The following XRN2 variants were observed in gnomAD, a reference collection of about 807,000 sequenced individuals.
XRN2 encodes the protein 5'-3' exoribonuclease 2, also known as DHM1-like protein.
XRN2 carries 44 observed loss-of-function variants against 138.5 expected under a neutral mutation model. The ratio of observed to expected loss-of-function variants is 0.32; its 90% confidence interval spans 0.25 to 0.41. XRN2 has a LOEUF of 0.41. Among genes scored for constraint, XRN2 ranks in the 10% least tolerant of loss-of-function variants. XRN2 has a pLI of 1.00. For missense variants in XRN2, 937 were observed against 1,169.3 expected, an observed-to-expected ratio of 0.80 and a Z score of 2.90; for synonymous variants, 354 against 369.4, an observed-to-expected ratio of 0.96 and a Z score of 0.48.
chr20:21,346,314 C>T, intron 16 of XRN2, 101 bp from the exon 17 acceptor site: 1 of 1,438,714 alleles, frequency 7.0e-7, no homozygotes, highest in Non-Finnish European at 9.5e-7. Flanking sequence ...TTCACATTTC[C>T]CCTGGGTATT....
In XRN2 at chr20:21,303,475, T is replaced by TGAGGAGGCGC; in HGVS notation, c.75+3_75+12dup. The TGAGGAGGCGC allele has an allele frequency of 6.5e-7, 1 of 1,539,496 alleles. No individual in the cohort carries two copies. The highest frequency in any genetic ancestry group is 8.7e-7 in the Non-Finnish European group (1 of 1,143,598). ...ATAGTCAACTGCGTGGAAGAGAAGGTGAGGAGGCGCCAGGCGGCCGCCACA... is the reference window on the plus strand; with the variant it reads ...ATAGTCAACTGCGTGGAAGAGAAGGTGAGGAGGCGCGAGGAGGCGCCAGGCGGCCGCCACA... On this transcript the variant is annotated splice_region_variant and intron_variant, in intron 1 of 29. Coordinates refer to ENST00000377191, the MANE Select transcript of XRN2 (RefSeq NM_012255.5).
At chr20:21,331,871 A>G in intron 8 of XRN2, 53 bp downstream of exon 8, 2 of 1,591,226 alleles carry the variant, frequency 1.3e-6, no homozygotes, top group South Asian at 1.1e-5. Flanking sequence ...TAGCAAGTTG[A>G]TGGGTTGGTG....
chr20:21,379,871 A>G (rs562271054), intron 27 of XRN2, among the ~76,000 whole-genome samples: 1 of 152,312 alleles, frequency 6.6e-6, no homozygotes, highest in Non-Finnish European at 1.5e-5. Flanking sequence ...CTCCATTAGC[A>G]CAGTTTCTAG....
chr20:21,345,880 TAGAG>T (rs2038429699), intron 16 of XRN2, among the ~76,000 whole-genome samples: 1 of 152,198 alleles, frequency 6.6e-6, no homozygotes, highest in African/African-American at 2.4e-5. Flanking sequence ...CAAGCAAGGA[TAGAG>T]AGAGTAGGTA....
chr20:21,374,647 T>TATATCCAG lies in XRN2; in HGVS notation c.2584+6058_2584+6059insTATCCAGA, dbSNP rs1232791439. Among the ~76,000 whole-genome samples, 5 of 152,224 alleles carry TATATCCAG rather than the reference T, an allele frequency of 3.3e-5. No homozygotes were observed. In the East Asian group the frequency reaches 9.6e-4, roughly 29 times the overall value. On this transcript the variant is annotated intron_variant, in intron 27 of 29. Coordinates refer to ENST00000377191, the MANE Select transcript of XRN2 (RefSeq NM_012255.5). ...TTAAACCAACATGGCATTTCTGGAGTAAACCTAATTTCTGGAATATATCAT... is the reference window on the plus strand; with the variant it reads ...TTAAACCAACATGGCATTTCTGGAGTATATCCAGAAACCTAATTTCTGGAATATATCAT...
At chr20:21,303,565 A>C (rs980781346) in intron 1 of XRN2, 92 bp downstream of exon 1, 35 of 1,413,900 alleles carry the variant, frequency 2.5e-5, no homozygotes, top group South Asian at 1.4e-4. Flanking sequence ...GCCCCCGGGG[A>C]GCCTTGCCGG....
intron 1 of XRN2, among the ~76,000 whole-genome samples, chr20:21,323,526 T>G (rs750442009): frequency 3.9e-5 from 6 of 152,104 alleles, no homozygotes; most frequent in Non-Finnish European, 8.8e-5. Flanking sequence ...TCTTGAGGAG[T>G]CAGTTCTTTG....
intron 20 of XRN2, 28 bp from the exon 21 acceptor site, chr20:21,354,761 G>A (rs767391320): frequency 7.5e-6 from 12 of 1,608,538 alleles, no homozygotes; most frequent in Non-Finnish European, 1.0e-5. Flanking sequence ...TGGTAGCAGG[G>A]GTGGTTCATT....
intron 28 of XRN2, among the ~76,000 whole-genome samples, chr20:21,384,230 G>C (rs2038914570): frequency 6.6e-6 from 1 of 152,086 alleles, no homozygotes; most frequent in Non-Finnish European, 1.5e-5. Flanking sequence ...CACATTGTTT[G>C]GGTTCTTCTT....
chr20:21,335,428 C>A (rs183206744), intron 13 of XRN2, among the ~76,000 whole-genome samples: 10 of 152,186 alleles, frequency 6.6e-5, no homozygotes, highest in Non-Finnish European at 1.5e-4. Flanking sequence ...GTCATTGAAT[C>A]TTATTTTCTG....
At chr20:21,388,158 A>G (rs1024819240) in intron 29 of XRN2, among the ~76,000 whole-genome samples, 2 of 152,140 alleles carry the variant, frequency 1.3e-5, no homozygotes, top group African/African-American at 4.8e-5. Flanking sequence ...TAGTCTAGTC[A>G]CCTCATTTTC....
chr20:21,359,875 C>G (rs751607884), intron 24 of XRN2, among the ~76,000 whole-genome samples: 55 of 151,782 alleles, frequency 3.6e-4, no homozygotes, highest in Admixed American at 2.9e-3. Flanking sequence ...TCTTTTGACT[C>G]CTGGCATTTT....
chr20:21,383,386 AGTGTTAACACT>A (rs1487446674), intron 28 of XRN2, among the ~76,000 whole-genome samples: 3 of 152,344 alleles, frequency 2.0e-5, no homozygotes, highest in African/African-American at 7.2e-5. Context: ...CTGCTTACAA[AGTGTTAACACT>A]GTGTTAACAT....
At chr20:21,354,711 G>C (rs909257745) in intron 20 of XRN2, 78 bp from the exon 21 acceptor site, 1 of 1,348,192 alleles carries the variant, frequency 7.4e-7, no homozygotes, top group East Asian at 2.3e-5. Flanking sequence ...TACTAGAAAC[G>C]TTCATTTCGA....
At chr20:21,358,766 A>C (rs2038604085) in intron 24 of XRN2, among the ~76,000 whole-genome samples, 1 of 151,220 alleles carries the variant, frequency 6.6e-6, no homozygotes, top group African/African-American at 2.4e-5. Context: ...TTTACGTATA[A>C]TTTTTTGTTT....
chr20:21,374,626 A>G (rs2038798526), intron 27 of XRN2, among the ~76,000 whole-genome samples: 1 of 152,136 alleles, frequency 6.6e-6, no homozygotes, highest in African/African-American at 2.4e-5. Flanking sequence ...GAAATATTAA[A>G]CCAACATGGC....
In XRN2 at chr20:21,365,367, G is replaced by C; in HGVS notation, c.2256-54G>C. ...ACATGAAAAATACCTCAGTCTACATGATAAGACAGGCTGATATAATCAGAT... is the reference window on the plus strand; with the variant it reads ...ACATGAAAAATACCTCAGTCTACATCATAAGACAGGCTGATATAATCAGAT... On this transcript the variant is annotated intron_variant, in intron 24 of 29. Coordinates refer to ENST00000377191, the MANE Select transcript of XRN2 (RefSeq NM_012255.5). 4 of 1,567,978 alleles carry C rather than the reference G, an allele frequency of 2.6e-6. No individual in the cohort carries two copies. The South Asian group carries it at 4.5e-5, about 18-fold the overall frequency.
At position 21,303,552 on chromosome 20, in the gene XRN2, C is replaced by G. The variant is rs562050829; in HGVS notation, c.75+79C>G. 7 of 1,444,748 alleles carry G rather than the reference C, an allele frequency of 4.8e-6. No homozygotes were observed. In the African/African-American group the frequency reaches 1.1e-4, roughly 22 times the overall value. 89.5% of individuals were successfully genotyped at this position (1,444,748 alleles called of 1,614,324 possible). A position where few individuals can be genotyped will look rare whatever the true frequency, so the allele number is the denominator to read the frequency against. Reference sequence around the variant, plus strand: ...AGGCCGCGGCCCATGGGCTCCGCCGCCTGCCCCCGGGGAGCCTTGCCGGAG... The same window carrying G: ...AGGCCGCGGCCCATGGGCTCCGCCGGCTGCCCCCGGGGAGCCTTGCCGGAG... On this transcript the variant is annotated intron_variant, in intron 1 of 29. Coordinates refer to ENST00000377191, the MANE Select transcript of XRN2 (RefSeq NM_012255.5).
chr20:21,354,888 CTT>C lies in XRN2; in HGVS notation c.2020+17_2020+18del. 1 of 1,599,644 alleles carries C rather than the reference CTT, an allele frequency of 6.3e-7. No homozygotes were observed. The highest frequency in any genetic ancestry group is 8.6e-7 in the Non-Finnish European group (1 of 1,168,628). On this transcript the variant is annotated intron_variant, in intron 21 of 29. Coordinates refer to ENST00000377191, the MANE Select transcript of XRN2 (RefSeq NM_012255.5). ...CCAGAAGAGAGTAAGAATTATACTT[CTT>C]AGTTAACATTGATCTGTGTAATATA...
Sources: gnomAD v4.1 joint callset for allele counts (sites outside exome capture counted in the v4.1 genomes callset) on GRCh38, gnomAD v4.1.1 for gene constraint, MANE v1.5 for transcripts, NCBI Gene and HGNC (gene_info 2026-07-23, HGNC 2026-07-21) for gene names.